Variants in GALNT13 observed in about 807,000 individuals in gnomAD.
GALNT13 encodes polypeptide N-acetylgalactosaminyltransferase 13, also known as UDP-GalNAc:polypeptide N-acetylgalactosaminyltransferase 13.
In GALNT13, 28 loss-of-function variants were observed where a neutral mutation model predicts 64.2. The ratio of observed to expected loss-of-function variants is 0.44; its 90% CI spans 0.32 to 0.60. The LOEUF (loss-of-function observed/expected upper bound fraction) is 0.60, where lower values mean the gene tolerates loss of function less well. Among genes scored for constraint, GALNT13 ranks in the 20% least tolerant of loss-of-function variants. The probability of loss-of-function intolerance (pLI) is 0.05; values close to 1 mark genes in which losing one functional copy is unlikely to be tolerated. For missense variants in GALNT13, 577 were observed against 669.8 expected, an observed-to-expected ratio of 0.86 and a Z score of 1.53; for synonymous variants, 214 against 224.6, an observed-to-expected ratio of 0.95 and a Z score of 0.42.
chr2:153,313,709 G>T, the GALNT13 span, among the ~76,000 whole-genome samples: 2 of 152,084 alleles, frequency 1.3e-5, no homozygotes, highest in Non-Finnish European at 2.9e-5. Flanking sequence ...GTTAAAAAAA[G>T]AATTTATTTT....
the GALNT13 span, among the ~76,000 whole-genome samples, chr2:153,069,742 GTTA>G: frequency 2.6e-5 from 4 of 152,092 alleles, no homozygotes; most frequent in Non-Finnish European, 5.9e-5. Flanking sequence ...TTGAAAATGG[GTTA>G]TTTTCTCTTT....
the GALNT13 span, among the ~76,000 whole-genome samples, chr2:153,124,529 C>T: frequency 3.3e-5 from 5 of 151,976 alleles, no homozygotes; most frequent in Non-Finnish European, 7.4e-5. Flanking sequence ...TGTTTGGAGA[C>T]AGAGTCTTGC....
At chr2:153,464,261 CAT>C in the GALNT13 span, among the ~76,000 whole-genome samples, 1 of 152,020 alleles carries the variant, frequency 6.6e-6, no homozygotes, top group Non-Finnish European at 1.5e-5. Flanking sequence ...GTATGTTAGC[CAT>C]ATGTTTGGGA....
chr2:153,439,202 T>C, the GALNT13 span, among the ~76,000 whole-genome samples: 3 of 152,106 alleles, frequency 2.0e-5, no homozygotes, highest in Non-Finnish European at 4.4e-5. Flanking sequence ...GAAGAATACC[T>C]GGTGGTGTGA....
intron 9 of GALNT13, among the ~76,000 whole-genome samples, chr2:154,340,855 G>T (rs1479599787): frequency 3.3e-5 from 5 of 151,858 alleles, no homozygotes; most frequent in African/African-American, 1.2e-4. Flanking sequence ...TCCAATAATA[G>T]TTAAGTTAGG....
At chr2:154,084,476 TAAGTA>T (rs1336403894) in intron 3 of GALNT13, among the ~76,000 whole-genome samples, 1 of 151,928 alleles carries the variant, frequency 6.6e-6, no homozygotes, top group South Asian at 2.1e-4. Context: ...AAATTGATTT[TAAGTA>T]GAGTATAATG....
chr2:153,855,109 T>C, the GALNT13 span, among the ~76,000 whole-genome samples: 1 of 152,052 alleles, frequency 6.6e-6, no homozygotes, highest in South Asian at 2.1e-4. Context: ...CAGCAAGAAA[T>C]AGAATAGTTT....
intron 9 of GALNT13, among the ~76,000 whole-genome samples, chr2:154,390,398 G>A (rs1698730804): frequency 6.6e-6 from 1 of 152,056 alleles, no homozygotes. Context: ...TCCTCCAATA[G>A]ACTACAGTGT....
chr2:153,082,660 C>G, the GALNT13 span, among the ~76,000 whole-genome samples: 1 of 90,014 alleles, frequency 1.1e-5, no homozygotes, highest in Non-Finnish European at 2.1e-5. Context: ...CACACACACA[C>G]ACACATATAT....
At chr2:154,308,941 G>A (rs768786857) in intron 9 of GALNT13, among the ~76,000 whole-genome samples, 7 of 151,996 alleles carry the variant, frequency 4.6e-5, no homozygotes, top group Non-Finnish European at 7.4e-5. Flanking sequence ...ATTTATTATT[G>A]GTCCTTTTAT....
chr2:153,587,303 C>G, the GALNT13 span, among the ~76,000 whole-genome samples: 2 of 150,874 alleles, frequency 1.3e-5, no homozygotes, highest in Admixed American at 6.6e-5. Context: ...CATACCAAAA[C>G]TTGGATATAG....
chr2:153,443,418 C>A, the GALNT13 span, among the ~76,000 whole-genome samples: 1 of 152,198 alleles, frequency 6.6e-6, no homozygotes, highest in Non-Finnish European at 1.5e-5. Context: ...CCAGGTACCT[C>A]AGTTGGAAAT....
chr2:153,402,745 C>T, the GALNT13 span, among the ~76,000 whole-genome samples: 1 of 152,164 alleles, frequency 6.6e-6, no homozygotes, highest in Non-Finnish European at 1.5e-5. Context: ...CTGCATTCTT[C>T]ACGTAGTTCT....
the GALNT13 span, among the ~76,000 whole-genome samples, chr2:153,845,953 T>A: frequency 6.6e-6 from 1 of 152,160 alleles, no homozygotes; most frequent in Non-Finnish European, 1.5e-5. Flanking sequence ...TGAAATGACA[T>A]CTTTGAAGTT....
chr2:154,261,319 G>A (rs1410940867), intron 8 of GALNT13, among the ~76,000 whole-genome samples: 2 of 152,040 alleles, frequency 1.3e-5, no homozygotes, highest in Non-Finnish European at 2.9e-5. Context: ...GTTTTAAAAT[G>A]TATTATTATC....
chr2:153,111,588 T>A, the GALNT13 span, among the ~76,000 whole-genome samples: 581 of 152,230 alleles, frequency 3.8e-3, 2 homozygotes, highest in African/African-American at 0.013. Flanking sequence ...AATAGTTTGC[T>A]ACCCAGATTC....
chr2:153,666,618 C>A, the GALNT13 span, among the ~76,000 whole-genome samples: 2 of 152,172 alleles, frequency 1.3e-5, no homozygotes, highest in East Asian at 3.9e-4. Flanking sequence ...ATTATACCAC[C>A]ATCGAACCCT....
chr2:153,168,130 A>G, the GALNT13 span, among the ~76,000 whole-genome samples: 104 of 152,342 alleles, frequency 6.8e-4, no homozygotes, highest in African/African-American at 2.4e-3. Context: ...GAAGGATAGT[A>G]GAGGAAGGCA....
the GALNT13 span, among the ~76,000 whole-genome samples, chr2:153,402,371 C>T: frequency 6.7e-6 from 1 of 150,092 alleles, no homozygotes; most frequent in Non-Finnish European, 1.5e-5. Flanking sequence ...TTTTTTCCTT[C>T]ATTTCAACTT....
Sources: allele counts gnomAD v4.1 joint callset (sites outside exome capture counted in the v4.1 genomes callset), GRCh38; gene constraint gnomAD v4.1.1; transcripts MANE v1.5; gene names NCBI Gene and HGNC (gene_info 2026-07-23, HGNC 2026-07-21).